Variants in CCDC38 observed in about 807,000 individuals in gnomAD.
The protein encoded by CCDC38 is coiled-coil domain containing 38.
CCDC38 carries 69 observed loss-of-function variants against 72.8 expected under a neutral mutation model. The ratio of observed to expected loss-of-function variants is 0.95; its 90% CI spans 0.78 to 1.16. The LOEUF (loss-of-function observed/expected upper bound fraction) is 1.16, where lower values mean the gene tolerates loss of function less well. Among genes scored for constraint, CCDC38 ranks in the 50% most tolerant of loss-of-function variants. CCDC38 has a pLI of 0.00. For synonymous variants in CCDC38, 201 were observed against 213.2 expected, an observed-to-expected ratio of 0.94 and a Z score of 0.50; for missense variants, 626 against 638.9, an observed-to-expected ratio of 0.98 and a Z score of 0.22.
chr12:95,919,378 G>A (rs916057722), intron 2 of CCDC38: 10 of 386,604 alleles, frequency 2.6e-5, no homozygotes, highest in Non-Finnish European at 4.7e-5. Context: ...GCTGGGATTA[G>A]GCCAAGATTC....
intron 1 of CCDC38, among the ~76,000 whole-genome samples, chr12:95,941,096 C>A (rs995300275): frequency 6.6e-6 from 1 of 152,182 alleles, no homozygotes; most frequent in Non-Finnish European, 1.5e-5. Context: ...CTTTTGCAAA[C>A]CTCCTGTTTG....
Position 95,918,795 on chromosome 12 carries a change from C to G in CCDC38, c.138+81G>C, listed in dbSNP as rs556577445. 6.5e-6 allele frequency: 6 copies of G among 925,182 alleles called. No homozygotes were observed. In the South Asian group the frequency reaches 8.7e-5, roughly 13 times the overall value. 57.3% of individuals were successfully genotyped at this position (925,182 alleles called of 1,614,324 possible). A position where few individuals can be genotyped will look rare whatever the true frequency, so the allele number is the denominator to read the frequency against. ...GCGTCTAGTTGACTCCATGTCTCAG[C>G]CCAGCAAAGTTCATAAGAGCAATAG... is the stretch of plus-strand genomic sequence containing the variant. On this transcript the variant is annotated intron_variant, in intron 3 of 15. Coordinates refer to ENST00000344280, the MANE Select transcript of CCDC38 (RefSeq NM_182496.3).
At chr12:95,939,592 T>G (rs1219168007) in intron 1 of CCDC38, among the ~76,000 whole-genome samples, 1 of 152,070 alleles carries the variant, frequency 6.6e-6, no homozygotes, top group Admixed American at 6.6e-5. Flanking sequence ...GATAAAGAAC[T>G]GATTGCAGAA....
At chr12:95,909,736 G>A (rs1293031943) in intron 4 of CCDC38, among the ~76,000 whole-genome samples, 2 of 152,132 alleles carry the variant, frequency 1.3e-5, no homozygotes, top group Admixed American at 6.5e-5. Flanking sequence ...AGAATACAAG[G>A]TTTGTTCAAT....
intron 1 of CCDC38, among the ~76,000 whole-genome samples, chr12:95,937,822 G>A (rs1480901844): frequency 2.0e-5 from 3 of 152,130 alleles, no homozygotes; most frequent in Non-Finnish European, 4.4e-5. Context: ...TATGTGTCAG[G>A]CACTGTTCTA....
intron 10 of CCDC38, among the ~76,000 whole-genome samples, chr12:95,881,936 T>C (rs1435431151): frequency 2.0e-5 from 3 of 152,254 alleles, no homozygotes; most frequent in African/African-American, 7.2e-5. Context: ...GAATGTGCTC[T>C]ACTTCTCAAA....
In CCDC38 at chr12:95,869,546, T is replaced by A; in HGVS notation, c.1512A>T (p.Lys504Asn). The A allele has an allele frequency of 6.2e-7, 1 of 1,613,506 alleles. No individual in the cohort carries two copies. The highest frequency in any genetic ancestry group is 8.5e-7 in the Non-Finnish European group (1 of 1,179,868). ...QKFRDEKMKEKQRHQQERLKA... is the reference protein window; with the variant it reads ...QKFRDEKMKENQRHQQERLKA... ...TTAGCCTTTCCTGTTGGTGTCTTTG[T>A]TTTTCTTTCATTTTCTCATCACGAA... The change falls in exon 15 of 16, where the codon AAA becomes AAT. Residue 504 changes from lysine to asparagine, a missense_variant. Coordinates refer to ENST00000344280, the MANE Select transcript of CCDC38 (RefSeq NM_182496.3).
chr12:95,922,856 T>G (rs774817175), intron 2 of CCDC38, among the ~76,000 whole-genome samples: 1 of 152,070 alleles, frequency 6.6e-6, no homozygotes, highest in Non-Finnish European at 1.5e-5. Context: ...TGGGGCCAGG[T>G]GCCTGTGATG....
At position 95,891,591 on chromosome 12, in the gene CCDC38, G is replaced by A. The variant is rs116250463; in HGVS notation, c.773-661C>T. 1.7e-4 allele frequency among the ~76,000 whole-genome samples: 26 copies of A among 152,156 alleles called. No individual in the cohort carries two copies. The East Asian group carries it at 3.9e-3, about 23-fold the overall frequency. ...TCCAACTCCTCGGCTCAAGCACCCCGCCTGCCTTGGCCTCCCAAATTGTTG... is the reference window on the plus strand; with the variant it reads ...TCCAACTCCTCGGCTCAAGCACCCCACCTGCCTTGGCCTCCCAAATTGTTG... On this transcript the variant is annotated intron_variant, in intron 8 of 15. Transcript: ENST00000344280.
intron 2 of CCDC38, among the ~76,000 whole-genome samples, chr12:95,933,027 A>G (rs1404565888): frequency 6.6e-6 from 1 of 152,202 alleles, no homozygotes; most frequent in Non-Finnish European, 1.5e-5. Flanking sequence ...TCTTTACCTC[A>G]CACTCCATAC....
intron 2 of CCDC38, among the ~76,000 whole-genome samples, chr12:95,929,789 G>T (rs926177839): frequency 1.3e-5 from 2 of 152,128 alleles, no homozygotes; most frequent in Non-Finnish European, 2.9e-5. Context: ...TAAAACAACA[G>T]AAATGTATTC....
At chr12:95,942,732 C>A (rs2080467254), upstream of CCDC38, 1 of 152,652 alleles carries the variant, frequency 6.6e-6, no homozygotes, top group South Asian at 2.1e-4. Flanking sequence ...GCCCCAGAAC[C>A]TGTGGGCAGA....
chr12:95,872,657 C>G (rs1048731755), intron 13 of CCDC38, among the ~76,000 whole-genome samples, 197 bp from the exon 14 acceptor site: 1 of 152,238 alleles, frequency 6.6e-6, no homozygotes, highest in Admixed American at 6.5e-5. Context: ...TCACTGCAAC[C>G]TCCGCCTCCC....
chr12:95,889,994 C>T (rs1402978796), intron 9 of CCDC38, among the ~76,000 whole-genome samples: 3 of 152,076 alleles, frequency 2.0e-5, no homozygotes, highest in Non-Finnish European at 4.4e-5. Context: ...TCACCATGGC[C>T]TCGATTTGCT....
chr12:95,873,239 C>G (rs1254233844), intron 13 of CCDC38, among the ~76,000 whole-genome samples: 1 of 152,064 alleles, frequency 6.6e-6, no homozygotes, highest in Admixed American at 6.5e-5. Flanking sequence ...CCTTATAGTC[C>G]AGGAGAGCAG....
intron 6 of CCDC38, 41 bp from the exon 7 acceptor site, chr12:95,898,506 C>CAAAA (rs2121477156): frequency 6.3e-7 from 1 of 1,589,774 alleles, no homozygotes; most frequent in Non-Finnish European, 8.6e-7. Context: ...TTCTTAGAAA[C>CAAAA]AAACAAACAA....
chr12:95,913,721 C>G (rs933019730), intron 4 of CCDC38, among the ~76,000 whole-genome samples: 3 of 152,006 alleles, frequency 2.0e-5, no homozygotes, highest in African/African-American at 7.2e-5. Flanking sequence ...TTGTTACTGG[C>G]TATTATTTAA....
intron 2 of CCDC38, among the ~76,000 whole-genome samples, chr12:95,929,721 C>T (rs2080316598): frequency 6.6e-6 from 1 of 152,188 alleles, no homozygotes; most frequent in Non-Finnish European, 1.5e-5. Context: ...AATTTCTGAA[C>T]ACCAAGTATA....
intron 14 of CCDC38, among the ~76,000 whole-genome samples, chr12:95,872,049 G>GTTT (rs1422032845): frequency 4.6e-5 from 7 of 152,096 alleles, no homozygotes; most frequent in African/African-American, 1.7e-4. Flanking sequence ...CATTACCATT[G>GTTT]GTAATGACAC....
Sources: allele counts gnomAD v4.1 joint callset (sites outside exome capture counted in the v4.1 genomes callset), GRCh38; gene constraint gnomAD v4.1.1; transcripts MANE v1.5; gene names NCBI Gene and HGNC (gene_info 2026-07-23, HGNC 2026-07-21).